Variants in PTPN4 observed in about 807,000 individuals in gnomAD.
PTPN4 encodes the protein tyrosine-protein phosphatase non-receptor type 4.
Under a neutral mutation model 135.5 loss-of-function variants are expected in PTPN4, and 49 were observed. That is an observed-to-expected ratio of 0.36 (90% CI 0.29 to 0.46). The LOEUF (loss-of-function observed/expected upper bound fraction) is 0.46, where lower values mean the gene tolerates loss of function less well. Ranked by LOEUF, PTPN4 falls within the 20% of genes least tolerant of loss-of-function variation. PTPN4 has a pLI of 1.00. For missense variants in PTPN4, 860 were observed against 1,101.0 expected (o/e 0.78, Z 3.10); for synonymous variants, 333 against 369.9 (o/e 0.90, Z 1.14).
At chr2:119,946,244 G>A (rs950629177) in intron 16 of PTPN4, 97 bp from the exon 17 acceptor site, 30 of 905,338 alleles carry the variant, frequency 3.3e-5, no homozygotes, top group Non-Finnish European at 4.8e-5. Flanking sequence ...TACAAACTAT[G>A]CATAATATAA....
intron 26 of PTPN4, among the ~76,000 whole-genome samples, chr2:119,968,923 T>C (rs1289628394): frequency 6.6e-6 from 1 of 152,242 alleles, no homozygotes; most frequent in African/African-American, 2.4e-5. Flanking sequence ...GTTAAAATTA[T>C]CTTTTGCACT....
At chr2:119,818,889 C>A (rs1254470253) in intron 2 of PTPN4, among the ~76,000 whole-genome samples, 2 of 152,148 alleles carry the variant, frequency 1.3e-5, no homozygotes, top group South Asian at 4.2e-4. Context: ...ATCTCTCCTC[C>A]GAGCCTGGAC....
At chr2:119,869,656 A>G (rs1677881183) in intron 3 of PTPN4, among the ~76,000 whole-genome samples, 1 of 152,172 alleles carries the variant, frequency 6.6e-6, no homozygotes, top group Admixed American at 6.5e-5. Flanking sequence ...ACTTGCCCGT[A>G]GGCAAAGATT....
At chr2:119,962,526 G>T in intron 23 of PTPN4, 90 bp from the exon 24 acceptor site, 5 of 754,498 alleles carry the variant, frequency 6.6e-6, no homozygotes, top group South Asian at 5.8e-5. Context: ...TTATATGTTT[G>T]AAATTTATTA....
chr2:119,915,062 G>A (rs1678631525), intron 10 of PTPN4, 117 bp from the exon 11 acceptor site: 2 of 828,132 alleles, frequency 2.4e-6, no homozygotes, highest in Middle Eastern at 3.9e-4. Flanking sequence ...CTATGTGTAT[G>A]TATATATGAT....
rs115027982 is a variant in PTPN4 at position 119,935,428 on chromosome 2, G to C, written c.1355+470G>C. Among the ~76,000 whole-genome samples, 1,148 of 152,300 alleles carry C rather than the reference G, an allele frequency of 7.5e-3. 5 individuals carry two copies. The highest frequency in any genetic ancestry group is 0.012 in the Non-Finnish European group (829 of 68,024). ...GAAGGAGAAATTGGTGTAAGATATA[G>C]TGAGTGCGATCAGGGGTAAAGAGTG... On this transcript the variant is annotated intron_variant, in intron 15 of 26. Transcript: ENST00000263708.
At chr2:119,850,993 GTTTTCTCTTTTATACTGTCT>G (rs1237101167) in intron 2 of PTPN4, among the ~76,000 whole-genome samples, 24 of 152,266 alleles carry the variant, frequency 1.6e-4, no homozygotes, top group African/African-American at 5.5e-4. Flanking sequence ...TTAGTCTGTA[GTTTTCTCTTTTATACTGTCT>G]TTTTCTGTTT....
chr2:119,873,927 G>A (rs1046546830), intron 3 of PTPN4, among the ~76,000 whole-genome samples: 2 of 152,138 alleles, frequency 1.3e-5, no homozygotes, highest in Non-Finnish European at 2.9e-5. Context: ...TATTAAAACA[G>A]TTACTTTAAG....
intron 3 of PTPN4, among the ~76,000 whole-genome samples, chr2:119,867,973 T>C (rs777035298): frequency 6.6e-6 from 1 of 152,186 alleles, no homozygotes; most frequent in Non-Finnish European, 1.5e-5. Context: ...ATAGAAGTGA[T>C]AGGCGCAGAC....
chr2:119,779,360 G>T (rs1477492913), intron 1 of PTPN4, among the ~76,000 whole-genome samples: 1 of 152,216 alleles, frequency 6.6e-6, no homozygotes, highest in African/African-American at 2.4e-5. Flanking sequence ...GCTCACGCCT[G>T]TAATCCCAGC....
At chr2:119,916,123 C>T (rs1678649795) in intron 11 of PTPN4, 1 of 151,540 alleles carries the variant, frequency 6.6e-6, no homozygotes, top group African/African-American at 2.4e-5. Context: ...TCTCTGGAGC[C>T]CAGGAATTCA....
chr2:119,958,212 C>A (rs1268708001), intron 22 of PTPN4, among the ~76,000 whole-genome samples: 1 of 151,002 alleles, frequency 6.6e-6, no homozygotes, highest in African/African-American at 2.4e-5. Context: ...TGGTGCATGC[C>A]TGTTGTCCCA....
At chr2:119,926,527 A>T in intron 12 of PTPN4, 71 bp from the exon 13 acceptor site, 1 of 1,030,760 alleles carries the variant, frequency 9.7e-7, no homozygotes, top group Non-Finnish European at 1.4e-6. Flanking sequence ...CACTATAATC[A>T]TGTTATGTGT....
At chr2:119,798,538 A>G (rs947891022) in intron 1 of PTPN4, among the ~76,000 whole-genome samples, 3 of 152,252 alleles carry the variant, frequency 2.0e-5, no homozygotes, top group African/African-American at 7.2e-5. Context: ...TTCCCCTTTT[A>G]AAACATGAAG....
intron 3 of PTPN4, among the ~76,000 whole-genome samples, chr2:119,876,133 C>A (rs1677979745): frequency 6.6e-6 from 1 of 152,024 alleles, no homozygotes; most frequent in Non-Finnish European, 1.5e-5. Context: ...ATTTAGTAAG[C>A]TGAGGTGGAA....
chr2:119,859,881 A>C (rs1677736231), intron 2 of PTPN4, among the ~76,000 whole-genome samples: 1 of 152,006 alleles, frequency 6.6e-6, no homozygotes, highest in African/African-American at 2.4e-5. Flanking sequence ...TTTCCCATTG[A>C]GTTTGGCATT....
intron 15 of PTPN4, among the ~76,000 whole-genome samples, chr2:119,936,319 A>G (rs1678983367): frequency 6.6e-6 from 1 of 152,150 alleles, no homozygotes; most frequent in South Asian, 2.1e-4. Flanking sequence ...TAAATTTTAT[A>G]GATTCACAAA....
chr2:119,845,233 G>GGAGAGA (rs1677474217), intron 2 of PTPN4, among the ~76,000 whole-genome samples: 1 of 96,000 alleles, frequency 1.0e-5, no homozygotes, highest in African/African-American at 4.4e-5. Context: ...GAGACCGTGG[G>GGAGAGA]GAGAGGGAGA....
At chr2:119,904,011 A>G (rs1470641657) in intron 10 of PTPN4, among the ~76,000 whole-genome samples, 1 of 152,232 alleles carries the variant, frequency 6.6e-6, no homozygotes, top group Non-Finnish European at 1.5e-5. Flanking sequence ...CACAAGAAAA[A>G]GTTTGTTCCT....
Sources: allele counts gnomAD v4.1 joint callset (sites outside exome capture counted in the v4.1 genomes callset), GRCh38; gene constraint gnomAD v4.1.1; transcripts MANE v1.5; gene names NCBI Gene and HGNC (gene_info 2026-07-23, HGNC 2026-07-21).